The following XPO1 variants were observed in gnomAD, a reference collection of about 807,000 sequenced individuals.
XPO1 encodes the protein exportin-1.
Under a neutral mutation model 133.3 loss-of-function variants are expected in XPO1, and 5 were observed. That is an observed-to-expected ratio of 0.04 (90% CI 0.02 to 0.08). The LOEUF is 0.08. Among genes scored for constraint, XPO1 ranks in the 10% least tolerant of loss-of-function variants. XPO1 has a pLI of 1.00. For synonymous variants in XPO1, 419 were observed against 408.2 expected (o/e 1.03, Z -0.32); for missense variants, 506 against 1,267.5 (o/e 0.40, Z 9.12).
chr2:61,492,251 C>T lies in XPO1; in HGVS notation c.1724-53G>A. ...TTGTCCTGGACTCCATCATGGGTCTCTAACAAGACAAAAACATTCATTTAT... is the reference window on the plus strand; with the variant it reads ...TTGTCCTGGACTCCATCATGGGTCTTTAACAAGACAAAAACATTCATTTAT... On this transcript the variant is annotated intron_variant, in intron 15 of 24. Transcript: ENST00000401558. The surrounding 1 kb of genome is among the most constrained non-coding windows in gnomAD (Gnocchi z 5.6). 1.3e-6 allele frequency: 2 copies of T among 1,592,498 alleles called. No homozygotes were observed. Among genetic ancestry groups the T allele is most frequent in the Non-Finnish European group, 1.7e-6 (2 of 1,173,398 alleles).
chr2:61,490,912 T>C (rs1027894257), intron 16 of XPO1, 136 bp from the exon 17 acceptor site: 15 of 1,107,966 alleles, frequency 1.4e-5, no homozygotes, highest in Non-Finnish European at 1.9e-5. Flanking sequence ...CCCAATACTT[T>C]GAGAAGCCAA....
intron 2 of XPO1, among the ~76,000 whole-genome samples, chr2:61,531,392 CT>C (rs1699148943): frequency 6.6e-6 from 1 of 152,174 alleles, no homozygotes; most frequent in African/African-American, 2.4e-5. Flanking sequence ...TCTTAATCTA[CT>C]TTTTATTAAC....
At chr2:61,534,195 T>C (rs1203847231) in intron 1 of XPO1, 3 of 206,602 alleles carry the variant, frequency 1.5e-5, no homozygotes, top group East Asian at 2.1e-4. Context: ...TAACCTATTA[T>C]TTAAACGCAT....
rs771352253 is a variant in XPO1 at position 61,490,803 on chromosome 2, G to A, written c.1888-27C>T. On this transcript the variant is annotated intron_variant, in intron 16 of 24. Coordinates refer to ENST00000401558, the MANE Select transcript of XPO1 (RefSeq NM_003400.4). ...TATTTTAAAAAGCAGACATTTTAAC[G>A]TTTATGTTATACACCCTAATAAGGA... The A allele has an allele frequency of 8.7e-6, 14 of 1,607,356 alleles. 1 individual carries two copies. Among genetic ancestry groups the A allele is most frequent in the South Asian group, 3.3e-5 (3 of 90,494 alleles).
intron 11 of XPO1, chr2:61,494,852 T>G (rs1697169163): frequency 6.6e-6 from 1 of 151,074 alleles, no homozygotes; most frequent in South Asian, 2.1e-4. Context: ...AGAGACATTT[T>G]CTTCCTTCAG....
At chr2:61,514,432 A>G (rs962913938) in intron 4 of XPO1, among the ~76,000 whole-genome samples, 1 of 151,746 alleles carries the variant, frequency 6.6e-6, no homozygotes, top group Non-Finnish European at 1.5e-5. Context: ...CTCTACTAAA[A>G]ATACAAAATA....
Position 61,509,197 on chromosome 2 carries a change from GT to G in XPO1, c.302-6888del, listed in dbSNP as rs1186059204. 2.0e-5 allele frequency among the ~76,000 whole-genome samples: 3 copies of G among 151,310 alleles called. No individual in the cohort carries two copies. In the East Asian group the frequency reaches 5.8e-4, roughly 29 times the overall value. Reference sequence around the variant, plus strand: ...TTTTTTTTTTTTAGGTAAAGACAAGGTTTCACTATGTTGGCCAGGCTGTTCT... The same window carrying G: ...TTTTTTTTTTTTAGGTAAAGACAAGGTTCACTATGTTGGCCAGGCTGTTCT... On this transcript the variant is annotated intron_variant, in intron 4 of 24. Transcript: ENST00000401558.
At chr2:61,500,697 G>A (rs1203047931) in intron 6 of XPO1, among the ~76,000 whole-genome samples, 2 of 152,114 alleles carry the variant, frequency 1.3e-5, no homozygotes, top group Non-Finnish European at 2.9e-5. Context: ...TACTGGGGAG[G>A]CCAAGGCAGG....
chr2:61,518,025 G>A (rs1414314311), intron 4 of XPO1, among the ~76,000 whole-genome samples: 1 of 152,036 alleles, frequency 6.6e-6, no homozygotes. Flanking sequence ...AGCTACTTGG[G>A]AGACTGACAC....
intron 16 of XPO1, 40 bp from the exon 17 acceptor site, chr2:61,490,816 A>G: frequency 6.3e-7 from 1 of 1,592,008 alleles, no homozygotes. Flanking sequence ...TATGTTATAC[A>G]CCCTAATAAG....
At chr2:61,481,648 T>G (rs1696365187) in intron 23 of XPO1, among the ~76,000 whole-genome samples, 1 of 151,740 alleles carries the variant, frequency 6.6e-6, no homozygotes, top group Non-Finnish European at 1.5e-5. Flanking sequence ...TTTCTCCATG[T>G]TGGTCAGGCA....
At chr2:61,516,055 G>A (rs1218387432) in intron 4 of XPO1, among the ~76,000 whole-genome samples, 1 of 151,576 alleles carries the variant, frequency 6.6e-6, no homozygotes, top group Admixed American at 6.6e-5. Context: ...GAACCCAGGA[G>A]GCTGAGCATC....
At chr2:61,526,861 C>A (rs1239167916) in intron 2 of XPO1, among the ~76,000 whole-genome samples, 2 of 152,054 alleles carry the variant, frequency 1.3e-5, no homozygotes, top group African/African-American at 4.8e-5. Context: ...GCAGGTGCCA[C>A]CACAGCCAGC....
At chr2:61,521,744 G>C (rs1199147157) in intron 4 of XPO1, among the ~76,000 whole-genome samples, 1 of 151,550 alleles carries the variant, frequency 6.6e-6, no homozygotes, top group Non-Finnish European at 1.5e-5. Flanking sequence ...CTTACATATG[G>C]TTTTTTTTGT....
intron 16 of XPO1, among the ~76,000 whole-genome samples, 191 bp from the exon 17 acceptor site, chr2:61,490,967 C>A (rs542481380): frequency 2.6e-5 from 4 of 152,130 alleles, no homozygotes; most frequent in Non-Finnish European, 5.9e-5. Context: ...CCAGCCTGAC[C>A]AACGTGGTGA....
intron 11 of XPO1, among the ~76,000 whole-genome samples, chr2:61,495,095 C>T (rs573692727): frequency 5.5e-4 from 84 of 151,996 alleles, no homozygotes; most frequent in African/African-American, 1.6e-3. Flanking sequence ...CACCCACCTC[C>T]GCCTCCCAAA....
intron 24 of XPO1, among the ~76,000 whole-genome samples, chr2:61,479,565 A>G (rs1215921208): frequency 6.6e-6 from 1 of 152,180 alleles, no homozygotes; most frequent in Non-Finnish European, 1.5e-5. Flanking sequence ...TCCCCTAAGT[A>G]TATACACCTA....
intron 20 of XPO1, chr2:61,484,430 A>T: frequency 4.4e-6 from 1 of 227,330 alleles, no homozygotes; most frequent in East Asian, 1.1e-4. Flanking sequence ...ATTACAAAAA[A>T]ATTTAAGTTA....
At chr2:61,482,226 T>C (rs1478850607) in intron 23 of XPO1, among the ~76,000 whole-genome samples, 154 bp downstream of exon 23, 1 of 34,480 alleles carries the variant, frequency 2.9e-5, no homozygotes, top group Non-Finnish European at 5.5e-5. Context: ...TTTTTTTTTG[T>C]AGAGACGGGA....
Sources: gnomAD v4.1 joint callset for allele counts (sites outside exome capture counted in the v4.1 genomes callset) on GRCh38, gnomAD v4.1.1 for gene constraint, Gnocchi (gnomAD v3.1) non-coding constraint, MANE v1.5 for transcripts, NCBI Gene and HGNC (gene_info 2026-07-23, HGNC 2026-07-21) for gene names.